Variants in CDC42BPA observed in about 807,000 individuals in gnomAD.
CDC42BPA encodes the protein CDC42 binding protein kinase alpha, also known as serine/threonine-protein kinase MRCK alpha.
CDC42BPA carries 80 observed loss-of-function variants against 223.5 expected under a neutral mutation model. The ratio of observed to expected loss-of-function variants is 0.36; its 90% confidence interval spans 0.30 to 0.43. CDC42BPA has a LOEUF of 0.43. Among genes scored for constraint, CDC42BPA ranks in the 20% least tolerant of loss-of-function variants. CDC42BPA has a pLI of 1.00. For missense variants in CDC42BPA, 1,743 were observed against 2,099.9 expected (o/e 0.83, Z 3.32); for synonymous variants, 694 against 718.6 (o/e 0.97, Z 0.55).
intron 4 of CDC42BPA, among the ~76,000 whole-genome samples, chr1:227,195,424 C>A (rs1670505454): frequency 6.6e-6 from 1 of 152,168 alleles, no homozygotes; most frequent in Non-Finnish European, 1.5e-5. Context: ...GATCTCCTGA[C>A]CTGGACGTCC....
intron 35 of CDC42BPA, among the ~76,000 whole-genome samples, chr1:227,000,038 T>C (rs979695340): frequency 2.0e-5 from 3 of 151,820 alleles, no homozygotes; most frequent in African/African-American, 7.3e-5. Flanking sequence ...CCATGGCACA[T>C]GTATACCTAT....
At chr1:227,002,998 C>G (rs544748095) in intron 35 of CDC42BPA, among the ~76,000 whole-genome samples, 3 of 152,218 alleles carry the variant, frequency 2.0e-5, no homozygotes, top group Admixed American at 6.5e-5. Flanking sequence ...TTTTAAAGCT[C>G]CTAATTTGTG....
At chr1:227,125,457 C>A (rs140842743) in intron 11 of CDC42BPA, among the ~76,000 whole-genome samples, 1,637 of 151,806 alleles carry the variant, frequency 0.011, 32 homozygotes, top group African/African-American at 0.037. Flanking sequence ...ACTAAAAATA[C>A]AAAAAATTAG....
At chr1:227,246,457 C>T (rs190745704) in intron 2 of CDC42BPA, among the ~76,000 whole-genome samples, 1 of 152,310 alleles carries the variant, frequency 6.6e-6, no homozygotes, top group East Asian at 1.9e-4. Context: ...CCAGCACAGT[C>T]CCAGTGATGG....
At chr1:227,265,135 A>C in intron 1 of CDC42BPA, 1 of 752,586 alleles carries the variant, frequency 1.3e-6, no homozygotes, top group Non-Finnish European at 2.5e-6. Context: ...CATGCTGTGT[A>C]CTAAGATTCC....
intron 1 of CDC42BPA, among the ~76,000 whole-genome samples, chr1:227,294,859 CAAAAAAAAAAAAAAAA>C (rs397983087): frequency 7.8e-5 from 1 of 12,818 alleles, no homozygotes; most frequent in African/African-American, 4.1e-4. Flanking sequence ...GACTCCGTCT[CAAAAAAAAAAAAAAAA>C]AAAAAAAAAA....
intron 3 of CDC42BPA, among the ~76,000 whole-genome samples, chr1:227,201,669 G>A (rs913080445): frequency 6.3e-5 from 7 of 111,952 alleles, no homozygotes; most frequent in Non-Finnish European, 1.2e-4. Flanking sequence ...GCATGTGCAC[G>A]TGCACACACA....
rs184665306 is a variant in CDC42BPA at position 227,100,006 on chromosome 1, A to G, written c.2249+986T>C. Among the ~76,000 whole-genome samples, 28 of 152,306 alleles carry G rather than the reference A, an allele frequency of 1.8e-4. No homozygotes were observed. The East Asian group carries it at 4.1e-3, about 22-fold the overall frequency. On this transcript the variant is annotated intron_variant, in intron 15 of 36. Coordinates refer to ENST00000366766, the MANE Select transcript of CDC42BPA (RefSeq NM_001394014.1). ...TGCGTCAGATATGGTAGGTTAAAAA[A>G]TATTACTGAATGAATAAATGCACCA...
intron 6 of CDC42BPA, among the ~76,000 whole-genome samples, chr1:227,151,310 T>C (rs1661707982): frequency 6.6e-6 from 1 of 152,238 alleles, no homozygotes; most frequent in Non-Finnish European, 1.5e-5. Context: ...GTTTCATCCA[T>C]GTTGTAGCAC....
intron 23 of CDC42BPA, among the ~76,000 whole-genome samples, chr1:227,044,146 C>T (rs1463253667): frequency 6.6e-6 from 1 of 152,200 alleles, no homozygotes; most frequent in Non-Finnish European, 1.5e-5. Context: ...AGGATTTCGT[C>T]TTCTGGGAAT....
intron 14 of CDC42BPA, among the ~76,000 whole-genome samples, chr1:227,109,016 A>G (rs1402311451): frequency 2.0e-5 from 3 of 152,196 alleles, no homozygotes; most frequent in African/African-American, 7.2e-5. Context: ...AAAACATCAT[A>G]TAAAAGATAA....
chr1:227,000,098 T>TAA (rs1378604977), intron 35 of CDC42BPA, among the ~76,000 whole-genome samples: 2 of 50,710 alleles, frequency 3.9e-5, no homozygotes, highest in Non-Finnish European at 5.8e-5. Context: ...TAAAGTATAA[T>TAA]AATAATAATA....
At chr1:227,050,475 ACT>A (rs1343789611) in intron 22 of CDC42BPA, among the ~76,000 whole-genome samples, 1 of 152,122 alleles carries the variant, frequency 6.6e-6, no homozygotes, top group Non-Finnish European at 1.5e-5. Context: ...TGCCAAACAA[ACT>A]CTGTACATTT....
chr1:227,056,750 T>A (rs2148913130), intron 21 of CDC42BPA, among the ~76,000 whole-genome samples: 1 of 152,294 alleles, frequency 6.6e-6, no homozygotes, highest in East Asian at 1.9e-4. Flanking sequence ...GAAAACAAAG[T>A]AGAAGGTAAT....
In CDC42BPA at chr1:227,000,915, C is replaced by A. The variant is rs16846783; in HGVS notation, c.4975+4079G>T. ...ACCACATACTGTACTCAGGATACAG[C>A]CCCTTCCAGAGAGTTTTAAGTGGTG... On this transcript the variant is annotated intron_variant, in intron 35 of 36. Transcript: ENST00000366766. 2.6e-3 allele frequency among the ~76,000 whole-genome samples: 390 copies of A among 152,146 alleles called. 9 individuals carry two copies. The East Asian group carries it at 0.048, about 19-fold the overall frequency.
intron 6 of CDC42BPA, among the ~76,000 whole-genome samples, chr1:227,159,259 G>C (rs1017430204): frequency 1.3e-5 from 2 of 152,100 alleles, no homozygotes; most frequent in Non-Finnish European, 2.9e-5. Flanking sequence ...GGCCGAGGTG[G>C]GCAGATAACC....
chr1:227,185,367 C>G (rs1440121617), intron 5 of CDC42BPA, among the ~76,000 whole-genome samples: 1 of 152,130 alleles, frequency 6.6e-6, no homozygotes, highest in Non-Finnish European at 1.5e-5. Context: ...CCTAACATGG[C>G]GATTCCCACC....
intron 4 of CDC42BPA, among the ~76,000 whole-genome samples, chr1:227,196,338 C>CTTTATTTTTTTTTTTTCTTTT (rs1670684957): frequency 1.1e-5 from 1 of 92,352 alleles, no homozygotes; most frequent in Non-Finnish European, 1.9e-5. Context: ...TTAAACAATA[C>CTTTATTTTTTTTTTTTCTTTT]TTTTTTTTTT....
chr1:227,208,231 T>C (rs1426666141), intron 3 of CDC42BPA, among the ~76,000 whole-genome samples: 1 of 151,596 alleles, frequency 6.6e-6, no homozygotes, highest in East Asian at 1.9e-4. Flanking sequence ...CTTGTAAATT[T>C]GTTTGAGTTC....
Sources: gnomAD v4.1 joint callset for allele counts (sites outside exome capture counted in the v4.1 genomes callset) on GRCh38, gnomAD v4.1.1 for gene constraint, MANE v1.5 for transcripts, NCBI Gene and HGNC (gene_info 2026-07-23, HGNC 2026-07-21) for gene names.